The following LRP8 variants were observed in gnomAD, a reference collection of about 807,000 sequenced individuals.
The protein encoded by LRP8 is low-density lipoprotein receptor-related protein 8.
LRP8 carries 46 observed loss-of-function variants against 111.6 expected under a neutral mutation model. That is an observed-to-expected ratio of 0.41 (90% CI 0.33 to 0.53). The LOEUF is 0.53. Among genes scored for constraint, LRP8 ranks in the 20% least tolerant of loss-of-function variants. The pLI is 0.20. For synonymous variants in LRP8, 464 were observed against 511.2 expected (o/e 0.91, Z 1.24); for missense variants, 959 against 1,297.4 (o/e 0.74, Z 4.01).
Position 53,327,913 on chromosome 1 carries a change from G to C in LRP8, c.-1C>G. The C allele has an allele frequency of 7.7e-7, 1 of 1,298,770 alleles. No homozygotes were observed. The highest frequency in any genetic ancestry group is 1.5e-5 in the African/African-American group (1 of 64,940). The allele number at this position is 1,298,770 out of a possible 1,614,324, so 80.5% of individuals were successfully genotyped here. ...GAGGGCCCGGCTCGGGGAGGCCCAT[G>C]GCGGGCCCGGGGCTCCGGCCGCCGC... On this transcript the variant is annotated 5_prime_UTR_variant, in exon 1 of 19. Coordinates refer to ENST00000306052, the MANE Select transcript of LRP8 (RefSeq NM_004631.5).
rs1352947925 is a variant in LRP8, at chr1:53,289,535, C to T, written c.367+32G>A. The stretch of plus-strand genomic sequence containing the variant: ...AAGATCTGAGGAGGAAACTGAGGCC[C>T]ACCCCCACCCAGACTGAGGGGCAGG... On this transcript the variant is annotated intron_variant, in intron 3 of 18. Transcript: ENST00000306052. 8 of 1,570,614 alleles carry T rather than the reference C, an allele frequency of 5.1e-6. No homozygotes were observed. In the African/African-American group the frequency reaches 8.1e-5, roughly 16 times the overall value.
intron 6 of LRP8, chr1:53,272,540 C>G: frequency 7.8e-7 from 1 of 1,280,816 alleles, no homozygotes; most frequent in Non-Finnish European, 1.0e-6. Flanking sequence ...CACCCCAGGC[C>G]ATGCACAGCT....
intron 2 of LRP8, among the ~76,000 whole-genome samples, chr1:53,300,435 G>A (rs1054080240): frequency 1.3e-5 from 2 of 152,216 alleles, no homozygotes; most frequent in African/African-American, 4.8e-5. Flanking sequence ...AACACCAAAG[G>A]TAGGACGTTA....
chr1:53,247,106 T>A, intron 18 of LRP8, 50 bp from the exon 19 acceptor site: 1 of 1,450,960 alleles, frequency 6.9e-7, no homozygotes, highest in Non-Finnish European at 9.4e-7. Flanking sequence ...AGAGTTACTA[T>A]TTATTTAGTA....
At chr1:53,311,455 A>T (rs1372832413) in intron 2 of LRP8, among the ~76,000 whole-genome samples, 1 of 152,012 alleles carries the variant, frequency 6.6e-6, no homozygotes, top group East Asian at 1.9e-4. Flanking sequence ...CTGGCCACAA[A>T]GCGCCCTCCC....
At chr1:53,302,856 A>C (rs896976063) in intron 2 of LRP8, among the ~76,000 whole-genome samples, 2 of 126,590 alleles carry the variant, frequency 1.6e-5, no homozygotes, top group African/African-American at 6.1e-5. Flanking sequence ...CACCCAGCTA[A>C]TTTTTTTTTT....
chr1:53,279,649 A>G lies in LRP8; in HGVS notation c.496+938T>C. Among the ~76,000 whole-genome samples, 1 of 152,216 alleles carries G rather than the reference A, an allele frequency of 6.6e-6. No homozygotes were observed. Among genetic ancestry groups the G allele is most frequent in the East Asian group, 1.9e-4 (1 of 5,194 alleles). ...GAGGAGATGGCATTTTCCCTGGGCC[A>G]GGAAAGATGGATAGGATGCAAATAT... On this transcript the variant is annotated intron_variant, in intron 4 of 18. Coordinates refer to ENST00000306052, the MANE Select transcript of LRP8 (RefSeq NM_004631.5). The surrounding 1 kb of genome is among the most constrained non-coding windows in gnomAD (Gnocchi z 4.4).
In LRP8 at chr1:53,262,440, G is replaced by A. The variant is rs1351301471; in HGVS notation, c.1774+6C>T. Reference sequence around the variant, plus strand: ...AGGCCCCCAACCCAGGAAAGGCAGGGCTCACCCAGGGTGATTCCGTTGGGC... The same window carrying A: ...AGGCCCCCAACCCAGGAAAGGCAGGACTCACCCAGGGTGATTCCGTTGGGC... On this transcript the variant is annotated splice_donor_region_variant and intron_variant, in intron 11 of 18. Coordinates refer to ENST00000306052, the MANE Select transcript of LRP8 (RefSeq NM_004631.5). The surrounding 1 kb of genome is among the most constrained non-coding windows in gnomAD (Gnocchi z 4.8). 10 of 1,612,676 alleles carry A rather than the reference G, an allele frequency of 6.2e-6. No individual in the cohort carries two copies. Among genetic ancestry groups the A allele is most frequent in the Non-Finnish European group, 6.8e-6 (8 of 1,179,040 alleles).
At chr1:53,309,887 G>T (rs1652681172) in intron 2 of LRP8, among the ~76,000 whole-genome samples, 1 of 152,058 alleles carries the variant, frequency 6.6e-6, no homozygotes, top group Non-Finnish European at 1.5e-5. Context: ...ATGGGAGGAT[G>T]CTTCTGAGCA....
Position 53,247,002 on chromosome 1 carries a change from G to A in LRP8, c.*16C>T. On this transcript the variant is annotated 3_prime_UTR_variant, in exon 19 of 19. Transcript: ENST00000306052. ...GGGACTGAATTCCATGAGGCACGAA[G>A]GGGGTGATCCCATCCTCAGGGTAGT... The A allele has an allele frequency of 6.2e-7, 1 of 1,604,422 alleles. No individual in the cohort carries two copies. Among genetic ancestry groups the A allele is most frequent in the Non-Finnish European group, 8.5e-7 (1 of 1,175,820 alleles).
At chr1:53,258,576 C>T in intron 13 of LRP8, 105 bp from the exon 14 acceptor site, 8 of 1,051,662 alleles carry the variant, frequency 7.6e-6, no homozygotes, top group Non-Finnish European at 1.1e-5. Flanking sequence ...AAAAGCTTGC[C>T]CTATACTTTT....
At chr1:53,256,858 A>C (rs1246601042) in intron 15 of LRP8, among the ~76,000 whole-genome samples, 1 of 152,216 alleles carries the variant, frequency 6.6e-6, no homozygotes, top group African/African-American at 2.4e-5. Flanking sequence ...ACACATCAGA[A>C]CTTTGTGAAA....
intron 10 of LRP8, among the ~76,000 whole-genome samples, chr1:53,263,765 C>A (rs767795471): frequency 5.9e-5 from 9 of 152,144 alleles, no homozygotes; most frequent in Non-Finnish European, 1.0e-4. Flanking sequence ...GGGGAAAAGA[C>A]CCACTTTCTA....
At chr1:53,271,963 G>A (rs1213713883) in intron 6 of LRP8, among the ~76,000 whole-genome samples, 1 of 151,816 alleles carries the variant, frequency 6.6e-6, no homozygotes, top group Non-Finnish European at 1.5e-5. Context: ...TGCCATTTGG[G>A]TGCCTTTCTC....
chr1:53,298,862 G>A (rs1650258863), intron 2 of LRP8, among the ~76,000 whole-genome samples: 1 of 152,246 alleles, frequency 6.6e-6, no homozygotes, highest in Non-Finnish European at 1.5e-5. Flanking sequence ...CCCTCTGAGG[G>A]AAGGAGGGGC....
At position 53,261,870 on chromosome 1, in the gene LRP8, G is replaced by A. The variant is rs112181317; in HGVS notation, c.1914+198C>T. ...GGGAGAGGGGTCTTGGGAAGAGAGC[G>A]TGGGAAAGGCTGCCAGGTGGAGAGT... is the stretch of plus-strand genomic sequence containing the variant. On this transcript the variant is annotated intron_variant, in intron 12 of 18. Coordinates refer to ENST00000306052, the MANE Select transcript of LRP8 (RefSeq NM_004631.5). 6.7e-3 allele frequency among the ~76,000 whole-genome samples: 1,025 copies of A among 152,328 alleles called. 6 individuals are homozygous for A. Among genetic ancestry groups the A allele is most frequent in the Admixed American group, 0.011 (172 of 15,304 alleles).
At chr1:53,247,720 ATTTG>A (rs1645771424) in intron 18 of LRP8, among the ~76,000 whole-genome samples, 1 of 152,190 alleles carries the variant, frequency 6.6e-6, no homozygotes, top group Non-Finnish European at 1.5e-5. Flanking sequence ...TTAATGTGAA[ATTTG>A]TTTGTTTATA....
intron 2 of LRP8, 33 bp from the exon 3 acceptor site, chr1:53,289,722 G>A: frequency 2.5e-6 from 4 of 1,611,552 alleles, no homozygotes; most frequent in Non-Finnish European, 3.4e-6. Flanking sequence ...TGGTGAGCCT[G>A]GGAGCAGTCA....
In LRP8 at chr1:53,245,608, C is replaced by T. The variant is rs910778748; in HGVS notation, c.*1410G>A. ...CAAATTCCTGTGTGAACATAAATAT[C>T]CAATATAATATAATATTGCGTATGC... On this transcript the variant is annotated 3_prime_UTR_variant, in exon 19 of 19. Coordinates refer to ENST00000306052, the MANE Select transcript of LRP8 (RefSeq NM_004631.5). 6.6e-6 allele frequency: 1 copy of T among 152,272 alleles called. No homozygotes were observed. The highest frequency in any genetic ancestry group is 6.5e-5 in the Admixed American group (1 of 15,274). The allele number at this position is 152,272 out of a possible 1,614,324, so 9.4% of individuals were successfully genotyped here.
Sources: gnomAD v4.1 joint callset for allele counts (sites outside exome capture counted in the v4.1 genomes callset) on GRCh38, gnomAD v4.1.1 for gene constraint, Gnocchi (gnomAD v3.1) non-coding constraint, MANE v1.5 for transcripts, NCBI Gene and HGNC (gene_info 2026-07-23, HGNC 2026-07-21) for gene names.